Variants in PRR16 observed in about 807,000 individuals in gnomAD.
The protein encoded by PRR16 is protein Largen.
Under a neutral mutation model 18.2 loss-of-function variants are expected in PRR16, and 6 were observed. That is an observed-to-expected ratio of 0.33 (90% confidence interval 0.18 to 0.65). The LOEUF is 0.65. PRR16 is among the 30% of genes least tolerant of loss of function. PRR16 has a pLI of 0.74. For missense variants in PRR16, 412 were observed against 376.6 expected (o/e 1.09, Z -0.78); for synonymous variants, 151 against 147.8 (o/e 1.02, Z -0.16).
chr5:120,754,008 T>A, the PRR16 span, among the ~76,000 whole-genome samples: 1 of 129,638 alleles, frequency 7.7e-6, no homozygotes, highest in African/African-American at 2.8e-5. Context: ...ATATATATAT[T>A]ATATAATATA....
the PRR16 span, among the ~76,000 whole-genome samples, chr5:120,751,016 T>C: frequency 6.6e-6 from 1 of 152,112 alleles, no homozygotes; most frequent in South Asian, 2.1e-4. Context: ...TTAGCTTCCA[T>C]ATATGAAGGA....
intron 1 of PRR16, among the ~76,000 whole-genome samples, chr5:120,615,488 T>C (rs1754480072): frequency 6.6e-6 from 1 of 151,498 alleles, no homozygotes; most frequent in East Asian, 1.9e-4. Flanking sequence ...AAAATAGTGT[T>C]TGCCATTTTT....
At chr5:120,665,808 T>C (rs1756353710) in intron 1 of PRR16, among the ~76,000 whole-genome samples, 1 of 152,180 alleles carries the variant, frequency 6.6e-6, no homozygotes, top group South Asian at 2.1e-4. Context: ...TTCTGTTCCA[T>C]TGGTCTATAT....
intron 1 of PRR16, among the ~76,000 whole-genome samples, chr5:120,565,980 A>C (rs1284762597): frequency 3.9e-5 from 6 of 152,244 alleles, no homozygotes; most frequent in African/African-American, 7.2e-5. Flanking sequence ...TTAAATATAT[A>C]ACTATGGCAT....
In PRR16 at chr5:120,686,060, C is replaced by G; in HGVS notation, c.266C>G (p.Ala89Gly). The G allele has an allele frequency of 6.2e-7, 1 of 1,614,100 alleles. No homozygotes were observed. The highest frequency in any genetic ancestry group is 8.5e-7 in the Non-Finnish European group (1 of 1,180,008). The change falls in exon 2 of 2, where the codon GCC (alanine) becomes GGC (glycine). Residue 89 changes from alanine (A) to glycine (G), a missense_variant. Transcript: ENST00000407149. ...TLNSSSSGTT[A>G]SSLEKIKVQA... ...AATAGTAGCTCAAGTGGCACAACAG[C>G]CTCCAGCCTAGAGAAGATCAAAGTG...
At chr5:120,617,107 C>G (rs1754535145) in intron 1 of PRR16, 2 of 985,180 alleles carry the variant, frequency 2.0e-6, no homozygotes, top group African/African-American at 1.7e-5. Flanking sequence ...GCTCCATTAC[C>G]TACTCCCACC....
intron 1 of PRR16, among the ~76,000 whole-genome samples, chr5:120,670,547 C>T (rs751004573): frequency 2.0e-5 from 3 of 152,074 alleles, no homozygotes; most frequent in African/African-American, 7.2e-5. Context: ...AAATATTAAA[C>T]CCTCTCTTTC....
chr5:120,712,267 A>G, the PRR16 span, among the ~76,000 whole-genome samples: 1 of 152,108 alleles, frequency 6.6e-6, no homozygotes, highest in Admixed American at 6.6e-5. Flanking sequence ...TATAATACAC[A>G]ATACACAATA....
chr5:120,712,926 A>T, the PRR16 span, among the ~76,000 whole-genome samples: 2 of 152,202 alleles, frequency 1.3e-5, no homozygotes, highest in Admixed American at 6.5e-5. Flanking sequence ...GTTTCTAAAA[A>T]AGTTAAAAAT....
chr5:120,725,405 C>G, the PRR16 span, among the ~76,000 whole-genome samples: 1 of 151,368 alleles, frequency 6.6e-6, no homozygotes, highest in African/African-American at 2.4e-5. Context: ...TTTGTAATCC[C>G]AGTGCTTTGC....
chr5:120,763,974 G>C, the PRR16 span, among the ~76,000 whole-genome samples: 1 of 152,146 alleles, frequency 6.6e-6, no homozygotes, highest in Admixed American at 6.6e-5. Flanking sequence ...CTGTAGGATC[G>C]TCTAAATGTA....
At chr5:120,607,836 A>G (rs922665364) in intron 1 of PRR16, among the ~76,000 whole-genome samples, 1 of 151,492 alleles carries the variant, frequency 6.6e-6, no homozygotes, top group Admixed American at 6.6e-5. Flanking sequence ...GATGAATCTT[A>G]TATACCTGAC....
the PRR16 span, among the ~76,000 whole-genome samples, chr5:120,732,450 C>A: frequency 6.6e-6 from 1 of 152,060 alleles, no homozygotes; most frequent in Non-Finnish European, 1.5e-5. Flanking sequence ...TTTTTTCTTT[C>A]TTCCCACTAT....
intron 1 of PRR16, among the ~76,000 whole-genome samples, chr5:120,575,924 A>T (rs1038143218): frequency 6.6e-6 from 1 of 152,160 alleles, no homozygotes; most frequent in Non-Finnish European, 1.5e-5. Flanking sequence ...TACACACAAT[A>T]GAGAAAGAAA....
the PRR16 span, among the ~76,000 whole-genome samples, chr5:120,744,465 C>A: frequency 6.6e-6 from 1 of 152,194 alleles, no homozygotes; most frequent in Non-Finnish European, 1.5e-5. Flanking sequence ...TTCTTTCCTG[C>A]ATATGCTCTG....
chr5:120,651,082 T>C (rs1755766808), intron 1 of PRR16, among the ~76,000 whole-genome samples: 1 of 152,214 alleles, frequency 6.6e-6, no homozygotes, highest in Non-Finnish European at 1.5e-5. Context: ...TGGCCAGTGA[T>C]GATGAGCATT....
chr5:120,568,709 G>GTCCAT, intron 1 of PRR16, among the ~76,000 whole-genome samples: 1 of 152,004 alleles, frequency 6.6e-6, no homozygotes, highest in Non-Finnish European at 1.5e-5. Flanking sequence ...ACATTCTTTG[G>GTCCAT]TAATTATAAC....
rs1756052956 is a variant in PRR16 at position 120,658,274 on chromosome 5, A to G, written c.160-27680A>G. On this transcript the variant is annotated intron_variant, in intron 1 of 1. Transcript: ENST00000407149. ...TGTGACATGTATGTCTGCCCAGTAT[A>G]TCAACTCCAGCCTCACTTAGGTTTA... is the stretch of plus-strand genomic sequence containing the variant. 2.0e-5 allele frequency: 3 copies of G among 151,362 alleles called. No individual in the cohort carries two copies. In the South Asian group the frequency reaches 6.2e-4, roughly 31 times the overall value. The allele number at this position is 151,362 out of a possible 1,614,324, so 9.4% of individuals were successfully genotyped here.
intron 1 of PRR16, among the ~76,000 whole-genome samples, chr5:120,472,640 A>G (rs890408761): frequency 1.3e-5 from 2 of 152,172 alleles, no homozygotes; most frequent in Non-Finnish European, 2.9e-5. Context: ...GTTTGGCTCC[A>G]TAATTTTCAG....
Sources: allele counts gnomAD v4.1 joint callset (sites outside exome capture counted in the v4.1 genomes callset), GRCh38; gene constraint gnomAD v4.1.1; transcripts MANE v1.5; gene names NCBI Gene and HGNC (gene_info 2026-07-23, HGNC 2026-07-21).